PTPRK: variants seen among roughly 807,000 people sequenced by gnomAD.
PTPRK encodes protein tyrosine phosphatase receptor type K.
PTPRK carries 75 observed loss-of-function variants against 178.0 expected under a neutral mutation model. That is an observed-to-expected ratio of 0.42 (90% CI 0.35 to 0.51). PTPRK has a LOEUF of 0.51. Ranked by LOEUF, PTPRK falls within the 20% of genes least tolerant of loss-of-function variation. The pLI is 0.02. For synonymous variants in PTPRK, 637 were observed against 620.6 expected, an observed-to-expected ratio of 1.03 and a Z score of -0.39; for missense variants, 1,441 against 1,797.8, an observed-to-expected ratio of 0.80 and a Z score of 3.59.
rs1774193492 is a variant in PTPRK at position 127,973,657 on chromosome 6, T to C, written c.4133+7A>G. The C allele has an allele frequency of 6.2e-7, 1 of 1,613,192 alleles. No homozygotes were observed. Among genetic ancestry groups the C allele is most frequent in the Non-Finnish European group, 8.5e-7 (1 of 1,179,804 alleles). ...CCATGAATGACAGGCTGAGCTGCCC[T>C]ACTCACAGGCAGTGGATAATCGTCC... On this transcript the variant is annotated splice_region_variant and intron_variant, in intron 28 of 29. Coordinates refer to ENST00000368226, the MANE Select transcript of PTPRK (RefSeq NM_002844.4).
intron 3 of PTPRK, among the ~76,000 whole-genome samples, chr6:128,246,773 C>T (rs150201042): frequency 2.0e-5 from 3 of 152,314 alleles, no homozygotes; most frequent in Admixed American, 1.3e-4. Context: ...TCCAGGAGGC[C>T]AGCCTGGGAG....
intron 13 of PTPRK, among the ~76,000 whole-genome samples, chr6:128,050,789 C>T (rs1025963000): frequency 1.3e-5 from 2 of 152,204 alleles, no homozygotes; most frequent in Non-Finnish European, 2.9e-5. Context: ...AATCCTCCTT[C>T]CTCTGCCTCC....
chr6:128,402,465 G>A (rs1438319243), intron 1 of PTPRK, among the ~76,000 whole-genome samples: 8 of 152,072 alleles, frequency 5.3e-5, no homozygotes, highest in Admixed American at 3.9e-4. Flanking sequence ...GTGGGGCCAG[G>A]ATGGTCTCAA....
chr6:128,123,234 G>A (rs73586611), intron 7 of PTPRK, among the ~76,000 whole-genome samples: 14,160 of 152,054 alleles, frequency 0.093, 1,141 homozygotes, highest in African/African-American at 0.21. Flanking sequence ...AAAGGCAAGG[G>A]AGCATTGTCC....
chr6:128,124,057 T>C (rs74339323), intron 7 of PTPRK, among the ~76,000 whole-genome samples: 6 of 151,388 alleles, frequency 4.0e-5, no homozygotes, highest in African/African-American at 2.4e-5. Flanking sequence ...TTTTTTTTTT[T>C]CCTTGAGACA....
intron 1 of PTPRK, among the ~76,000 whole-genome samples, chr6:128,499,573 G>A (rs963339134): frequency 1.3e-5 from 2 of 152,152 alleles, no homozygotes; most frequent in Non-Finnish European, 2.9e-5. Flanking sequence ...GAAGTGCCAC[G>A]ACATAATAGT....
intron 7 of PTPRK, among the ~76,000 whole-genome samples, chr6:128,124,523 T>C (rs1793015736): frequency 6.6e-6 from 1 of 152,180 alleles, no homozygotes; most frequent in Admixed American, 6.5e-5. Flanking sequence ...GTCAATCCAC[T>C]ACACCACAAT....
At chr6:128,298,452 T>C (rs1352954210) in intron 3 of PTPRK, among the ~76,000 whole-genome samples, 2 of 150,746 alleles carry the variant, frequency 1.3e-5, no homozygotes, top group South Asian at 2.1e-4. Flanking sequence ...TTGATGAACA[T>C]TGATGCAAAA....
chr6:128,515,168 T>G (rs1857784154), intron 1 of PTPRK, among the ~76,000 whole-genome samples: 1 of 152,210 alleles, frequency 6.6e-6, no homozygotes, highest in South Asian at 2.1e-4. Context: ...AATGTGGTTC[T>G]GAAATTGTCT....
chr6:128,316,967 C>T (rs1295692746), intron 3 of PTPRK, among the ~76,000 whole-genome samples: 1 of 152,022 alleles, frequency 6.6e-6, no homozygotes, highest in Non-Finnish European at 1.5e-5. Context: ...CTGTTTGCAA[C>T]AAAGAGAATC....
chr6:128,495,911 T>C (rs1854591733), intron 1 of PTPRK, among the ~76,000 whole-genome samples: 2 of 152,190 alleles, frequency 1.3e-5, no homozygotes, highest in South Asian at 4.1e-4. Flanking sequence ...CCAGTCTCCA[T>C]GTCTTCACAC....
At chr6:128,025,098 A>G (rs141944265) in intron 13 of PTPRK, among the ~76,000 whole-genome samples, 202 of 152,338 alleles carry the variant, frequency 1.3e-3, no homozygotes, top group African/African-American at 4.7e-3. Context: ...AGTCCTTTTA[A>G]ATTAAGATTA....
chr6:128,020,300 A>T (rs1436350036), intron 13 of PTPRK, among the ~76,000 whole-genome samples: 1 of 152,198 alleles, frequency 6.6e-6, no homozygotes, highest in Non-Finnish European at 1.5e-5. Context: ...ACAAACAAAC[A>T]GTGCGGAATT....
At chr6:128,196,259 C>A (rs1016555990) in intron 6 of PTPRK, among the ~76,000 whole-genome samples, 12 of 151,998 alleles carry the variant, frequency 7.9e-5, no homozygotes, top group Non-Finnish European at 1.6e-4. Context: ...TCATCTAATT[C>A]TATTACCATT....
At chr6:128,430,812 C>T (rs982379821) in intron 1 of PTPRK, among the ~76,000 whole-genome samples, 1 of 152,088 alleles carries the variant, frequency 6.6e-6, no homozygotes, top group African/African-American at 2.4e-5. Context: ...TGAACTGGCA[C>T]CACACACCCC....
At chr6:127,991,273 A>C in intron 20 of PTPRK, 21 bp downstream of exon 20, 1 of 1,556,742 alleles carries the variant, frequency 6.4e-7, no homozygotes, top group East Asian at 2.3e-5. Context: ...ATGACAAAAA[A>C]ATTCTTTTTC....
chr6:128,048,428 G>C (rs561600371), intron 13 of PTPRK, among the ~76,000 whole-genome samples: 1 of 152,258 alleles, frequency 6.6e-6, no homozygotes, highest in East Asian at 1.9e-4. Context: ...TTCCGCATAT[G>C]TTCCCTCTGC....
chr6:128,221,833 T>A (rs1022067085), intron 5 of PTPRK, among the ~76,000 whole-genome samples: 4 of 150,562 alleles, frequency 2.7e-5, no homozygotes, highest in Non-Finnish European at 5.9e-5. Context: ...TCCAAAAATA[T>A]AAATCCATAA....
rs1858682234 is a variant in PTPRK, at chr6:128,519,587, G to A, written c.100+672C>T. 6.6e-6 allele frequency among the ~76,000 whole-genome samples: 1 copy of A among 152,186 alleles called. No homozygotes were observed. The highest frequency in any genetic ancestry group is 1.5e-5 in the Non-Finnish European group (1 of 68,034). ...CTCCACCAGGCGCCCAGACCTCGAT[G>A]CCCATGAACGCTCAGAGTGGGTCCT... is the stretch of plus-strand genomic sequence containing the variant. On this transcript the variant is annotated intron_variant, in intron 1 of 29. Transcript: ENST00000368226. The surrounding 1 kb of genome is among the most constrained non-coding windows in gnomAD (Gnocchi z 4.3).
Sources: gnomAD v4.1 joint callset for allele counts (sites outside exome capture counted in the v4.1 genomes callset) on GRCh38, gnomAD v4.1.1 for gene constraint, Gnocchi (gnomAD v3.1) non-coding constraint, MANE v1.5 for transcripts, NCBI Gene and HGNC (gene_info 2026-07-23, HGNC 2026-07-21) for gene names.